CCDC150: variants seen among roughly 807,000 people sequenced by gnomAD.
CCDC150 encodes the protein coiled-coil domain containing 150, also known as coiled-coil domain-containing protein 150.
CCDC150 carries 151 observed loss-of-function variants against 156.5 expected under a neutral mutation model. That is an observed-to-expected ratio of 0.97 (90% confidence interval 0.85 to 1.10). The LOEUF is 1.10. Among genes scored for constraint, CCDC150 ranks in the 50% least tolerant of loss-of-function variants. The pLI is 0.00. For synonymous variants in CCDC150, 452 were observed against 429.4 expected, an observed-to-expected ratio of 1.05 and a Z score of -0.65; for missense variants, 1,312 against 1,268.1, an observed-to-expected ratio of 1.03 and a Z score of -0.53.
At chr2:196,658,087 A>G (rs1395018924) in intron 4 of CCDC150, among the ~76,000 whole-genome samples, 3 of 152,194 alleles carry the variant, frequency 2.0e-5, no homozygotes, top group Non-Finnish European at 4.4e-5. Flanking sequence ...TGGAAGTGAC[A>G]TAATGAAAAC....
At chr2:196,652,463 C>T (rs1449384434) in intron 2 of CCDC150, among the ~76,000 whole-genome samples, 2 of 152,278 alleles carry the variant, frequency 1.3e-5, no homozygotes, top group Non-Finnish European at 2.9e-5. Context: ...ATCTTTGACT[C>T]TCTGTCCCAT....
intron 2 of CCDC150, among the ~76,000 whole-genome samples, chr2:196,649,654 G>A (rs1366254682): frequency 6.6e-6 from 1 of 152,090 alleles, no homozygotes; most frequent in East Asian, 1.9e-4. Context: ...ACTCATTACT[G>A]TATTTGTGTC....
chr2:196,695,442 T>A (rs1695757034), intron 14 of CCDC150, among the ~76,000 whole-genome samples: 1 of 152,240 alleles, frequency 6.6e-6, no homozygotes, highest in Non-Finnish European at 1.5e-5. Flanking sequence ...ACTTGTATTT[T>A]TTTTCTCATC....
chr2:196,695,704 G>A (rs145870290), intron 14 of CCDC150, among the ~76,000 whole-genome samples: 3,967 of 151,858 alleles, frequency 0.026, 182 homozygotes, highest in African/African-American at 0.09. Context: ...TTAGCCGGGC[G>A]TGGTGGCGGA....
chr2:196,730,783 T>C (rs777150929), intron 25 of CCDC150, 76 bp from the exon 26 acceptor site: 1 of 1,105,928 alleles, frequency 9.0e-7, no homozygotes, highest in Non-Finnish European at 1.3e-6. Flanking sequence ...TAGTTGCCCA[T>C]TTATTATAAC....
intron 14 of CCDC150, among the ~76,000 whole-genome samples, chr2:196,695,647 T>C (rs1695773784): frequency 6.6e-6 from 1 of 152,000 alleles, no homozygotes; most frequent in African/African-American, 2.4e-5. Flanking sequence ...ATTGAGACCA[T>C]CCTGGCTAAC....
rs759237175 is a variant in CCDC150 at position 196,730,958 on chromosome 2, C to A, written c.3069+13C>A. On this transcript the variant is annotated intron_variant, in intron 26 of 27. Coordinates refer to ENST00000389175, the MANE Select transcript of CCDC150 (RefSeq NM_001080539.2). ...GGAATCAGAACAGGTGAGCCAGACC[C>A]ACGGACATAAAGACTTAGACGTTTC... is the stretch of plus-strand genomic sequence containing the variant. 2.5e-6 allele frequency: 4 copies of A among 1,581,054 alleles called. No individual in the cohort carries two copies. The South Asian group carries it at 3.5e-5, about 14-fold the overall frequency.
chr2:196,645,680 G>T (rs773499361), intron 1 of CCDC150, among the ~76,000 whole-genome samples: 2 of 152,120 alleles, frequency 1.3e-5, no homozygotes, highest in Non-Finnish European at 2.9e-5. Context: ...TTGCGTTTTG[G>T]GGGAGGAGTC....
At chr2:196,676,495 C>G in intron 11 of CCDC150, 59 bp from the exon 12 acceptor site, 4 of 1,449,714 alleles carry the variant, frequency 2.8e-6, no homozygotes, top group Non-Finnish European at 3.8e-6. Flanking sequence ...TTTAATTGCT[C>G]TTTCTGTTAA....
Position 196,712,633 on chromosome 2 carries a change from T to C in CCDC150, c.1804-44T>C, listed in dbSNP as rs561962560. The C allele has an allele frequency of 4.2e-6, 6 of 1,422,332 alleles. No homozygotes were observed. In the African/African-American group the frequency reaches 8.4e-5, roughly 20 times the overall value. 88.1% of individuals were successfully genotyped at this position (1,422,332 alleles called of 1,614,324 possible). A position where few individuals can be genotyped will look rare whatever the true frequency, so the allele number is the denominator to read the frequency against. On this transcript the variant is annotated intron_variant, in intron 16 of 27. Transcript: ENST00000389175. ...CATAAAGGCAGTGCTTTTTAAAATT[T>C]TGGCAGTTGTGAGGAACAAGTATCT...
At chr2:196,713,593 C>T (rs528964615) in intron 17 of CCDC150, 1 of 1,533,238 alleles carries the variant, frequency 6.5e-7, no homozygotes, top group South Asian at 1.2e-5. Flanking sequence ...CTATTAAAAC[C>T]ATGGAGGGAA....
chr2:196,695,112 C>G lies in CCDC150; in HGVS notation c.1576C>G (p.Gln526Glu). 2.5e-6 allele frequency: 4 copies of G among 1,612,772 alleles called. No individual in the cohort carries two copies. Among genetic ancestry groups the G allele is most frequent in the Non-Finnish European group, 3.4e-6 (4 of 1,178,928 alleles). Reference sequence around the variant, plus strand: ...AGAAGAGAATAAGCACCTGGCAGATCAAATGGCTTCCCTAGAACTTCAGCA... The same window carrying G: ...AGAAGAGAATAAGCACCTGGCAGATGAAATGGCTTCCCTAGAACTTCAGCA... ...LEEENKHLADQMASLELQQVT... is the reference protein window; with the variant it reads ...LEEENKHLADEMASLELQQVT... Residue 526 changes from glutamine to glutamate, a missense_variant, in exon 14 of 28, where the codon CAA (glutamine) becomes GAA (glutamate). Coordinates refer to ENST00000389175, the MANE Select transcript of CCDC150 (RefSeq NM_001080539.2).
Position 196,732,766 on chromosome 2 carries a change from C to T in CCDC150, c.*204C>T. 2.6e-6 allele frequency: 1 copy of T among 378,420 alleles called. No individual in the cohort carries two copies. The highest frequency in any genetic ancestry group is 4.8e-6 in the Non-Finnish European group (1 of 208,580). 23.4% of individuals were successfully genotyped at this position (378,420 alleles called of 1,614,324 possible). A position where few individuals can be genotyped will look rare whatever the true frequency, so the allele number is the denominator to read the frequency against. Reference sequence around the variant, plus strand: ...TTTTTGTCCCTTTTCACATTTTCCACCCAATAAATTTGTGTTAATTTGTTG... The same window carrying T: ...TTTTTGTCCCTTTTCACATTTTCCATCCAATAAATTTGTGTTAATTTGTTG... On this transcript the variant is annotated 3_prime_UTR_variant, in exon 28 of 28. Coordinates refer to ENST00000389175, the MANE Select transcript of CCDC150 (RefSeq NM_001080539.2).
At chr2:196,729,483 C>T (rs910497306) in intron 23 of CCDC150, 96 bp downstream of exon 23, 10 of 1,101,528 alleles carry the variant, frequency 9.1e-6, no homozygotes, top group Middle Eastern at 2.0e-4. Flanking sequence ...ACCCTAGCAG[C>T]CCCATGTATT....
chr2:196,657,247 T>G lies in CCDC150; in HGVS notation c.576+111T>G, dbSNP rs1348569307. 3 of 1,060,624 alleles carry G rather than the reference T, an allele frequency of 2.8e-6. No homozygotes were observed. In the African/African-American group the frequency reaches 4.8e-5, roughly 17 times the overall value. 65.7% of individuals were successfully genotyped at this position (1,060,624 alleles called of 1,614,324 possible). A position where few individuals can be genotyped will look rare whatever the true frequency, so the allele number is the denominator to read the frequency against. ...ATAGGTGATGTTGATATGAGGATTC[T>G]TGGCATTTGACATTTGGCATGTTGA... On this transcript the variant is annotated intron_variant, in intron 4 of 27. Transcript: ENST00000389175.
intron 12 of CCDC150, 76 bp downstream of exon 12, chr2:196,676,807 G>A: frequency 3.1e-6 from 4 of 1,292,492 alleles, no homozygotes; most frequent in Non-Finnish European, 4.4e-6. Flanking sequence ...AAATGCAAAA[G>A]ACAAGAAAAG....
Position 196,665,683 on chromosome 2 carries a change from G to C in CCDC150, c.762G>C (p.Gln254His), listed in dbSNP as rs373966441. 1.5e-5 allele frequency: 24 copies of C among 1,550,912 alleles called. No homozygotes were observed. Among genetic ancestry groups the C allele is most frequent in the Admixed American group, 1.9e-5 (1 of 53,776 alleles). The stretch of plus-strand genomic sequence containing the variant: ...CAACAGTGGAGGTAGAACGAAAACA[G>C]GTAGAAAGATTTCTTCTCCTTATGT... ...MGSTVEVERKQVHILQQNCIA... is the reference protein window; with the variant it reads ...MGSTVEVERKHVHILQQNCIA... Residue 254 changes from glutamine to histidine, a missense_variant and splice_region_variant, in exon 6 of 28, where the codon CAG becomes CAC. Coordinates refer to ENST00000389175, the MANE Select transcript of CCDC150 (RefSeq NM_001080539.2).
At chr2:196,663,724 T>C (rs1175596555) in intron 5 of CCDC150, among the ~76,000 whole-genome samples, 1 of 152,128 alleles carries the variant, frequency 6.6e-6, no homozygotes, top group Admixed American at 6.5e-5. Context: ...TCCCAACACA[T>C]TTTTTACCTC....
chr2:196,646,486 T>C lies in CCDC150; in HGVS notation c.158T>C (p.Leu53Ser), dbSNP rs753355962. 5.6e-6 allele frequency: 9 copies of C among 1,613,516 alleles called. No individual in the cohort carries two copies. Among genetic ancestry groups the C allele is most frequent in the Non-Finnish European group, 7.6e-6 (9 of 1,179,556 alleles). ...TCACTGAGGGATGACCTAATAATGT[T>C]GGATTTTGGTGAAAAAAGGTAACAA... Reference protein sequence around the residue: ...TSSLRDDLIMLDFGEKRGYLE... With the variant: ...TSSLRDDLIMSDFGEKRGYLE... Residue 53 changes from leucine (L) to serine (S), a missense_variant, in exon 2 of 28, where the codon TTG (leucine) becomes TCG (serine). Transcript: ENST00000389175.
Sources: allele counts gnomAD v4.1 joint callset (sites outside exome capture counted in the v4.1 genomes callset), GRCh38; gene constraint gnomAD v4.1.1; transcripts MANE v1.5; gene names NCBI Gene and HGNC (gene_info 2026-07-23, HGNC 2026-07-21).